UNC5D: variants seen among roughly 807,000 people sequenced by gnomAD.
UNC5D encodes unc-5 netrin receptor D.
A neutral mutation model predicts 105.4 loss-of-function variants in UNC5D; 39 were observed. That is an observed-to-expected ratio of 0.37 (90% CI 0.29 to 0.48). UNC5D has a LOEUF of 0.48. Among genes scored for constraint, UNC5D ranks in the 20% least tolerant of loss-of-function variants. The pLI is 0.98. For synonymous variants in UNC5D, 452 were observed against 450.4 expected, an observed-to-expected ratio of 1.00 and a Z score of -0.04; for missense variants, 991 against 1,202.4, an observed-to-expected ratio of 0.82 and a Z score of 2.60.
At chr8:35,631,408 A>G (rs1822036020) in intron 4 of UNC5D, among the ~76,000 whole-genome samples, 4 of 152,164 alleles carry the variant, frequency 2.6e-5, no homozygotes. Flanking sequence ...AGAGTCACAC[A>G]GCTTGACATA....
intron 4 of UNC5D, among the ~76,000 whole-genome samples, chr8:35,622,158 A>G (rs942568984): frequency 2.6e-5 from 4 of 152,168 alleles, no homozygotes; most frequent in African/African-American, 7.2e-5. Context: ...CCTGGCCAAC[A>G]TGGTGAAACC....
At chr8:35,750,879 A>G in intron 13 of UNC5D, 70 bp downstream of exon 13, 2 of 1,585,170 alleles carry the variant, frequency 1.3e-6, no homozygotes, top group East Asian at 2.2e-5. Flanking sequence ...ATCAGTATCA[A>G]TTGAAAATTT....
chr8:35,571,614 C>T (rs751126784), intron 3 of UNC5D, among the ~76,000 whole-genome samples: 20 of 152,122 alleles, frequency 1.3e-4, no homozygotes, highest in Non-Finnish European at 4.4e-5. Context: ...AAGAAAAAAT[C>T]CACTTTAGAG....
At chr8:35,361,171 A>G (rs1279373917) in intron 1 of UNC5D, among the ~76,000 whole-genome samples, 1 of 152,112 alleles carries the variant, frequency 6.6e-6, no homozygotes, top group African/African-American at 2.4e-5. Flanking sequence ...TGCTAATGAA[A>G]TGGGAAGAGC....
rs374310163 is a variant in UNC5D, at chr8:35,645,527, C to CTGTGTG, written c.571-37997_571-37992dup. ...TTTCTATCGTATATATGTGTGTGTG[C>CTGTGTG]TGTGTGTGTGTGTGTGTGTGTGTGT... On this transcript the variant is annotated intron_variant, in intron 4 of 16. Transcript: ENST00000404895. Among the ~76,000 whole-genome samples the CTGTGTG allele has an allele frequency of 6.7e-3, 971 of 145,476 alleles. 3 individuals carry two copies. Among genetic ancestry groups the CTGTGTG allele is most frequent in the African/African-American group, 0.021 (844 of 40,084 alleles).
chr8:35,327,841 G>A lies in UNC5D; in HGVS notation c.103+91954G>A, dbSNP rs533341579. On this transcript the variant is annotated intron_variant, in intron 1 of 16. Transcript: ENST00000404895. ...GTTGCAAGAGTCATTTATCAGAAGC[G>A]TGAACCCAGAGATTCGGATGTTTGA... 7.9e-5 allele frequency among the ~76,000 whole-genome samples: 12 copies of A among 152,272 alleles called. No individual in the cohort carries two copies. In the East Asian group the frequency reaches 1.2e-3, roughly 15 times the overall value.
At chr8:35,771,391 T>C (rs1304296067) in intron 15 of UNC5D, among the ~76,000 whole-genome samples, 3 of 152,184 alleles carry the variant, frequency 2.0e-5, no homozygotes, top group South Asian at 2.1e-4. Flanking sequence ...GCATTGACAA[T>C]GGCAGCTACC....
At chr8:35,626,093 A>G (rs1821684903) in intron 4 of UNC5D, among the ~76,000 whole-genome samples, 1 of 151,894 alleles carries the variant, frequency 6.6e-6, no homozygotes, top group Non-Finnish European at 1.5e-5. Flanking sequence ...CATTCTCATT[A>G]ATGCTAATGG....
chr8:35,435,644 A>C (rs1806957645), intron 1 of UNC5D, among the ~76,000 whole-genome samples: 2 of 152,142 alleles, frequency 1.3e-5, no homozygotes, highest in Admixed American at 1.3e-4. Context: ...AAAATAACTC[A>C]TAAGGGCCAA....
intron 1 of UNC5D, among the ~76,000 whole-genome samples, chr8:35,239,657 G>A (rs1290983074): frequency 6.6e-6 from 1 of 152,090 alleles, no homozygotes; most frequent in Non-Finnish European, 1.5e-5. Context: ...GAGCCCAGAT[G>A]TGCCCTCCTT....
chr8:35,314,415 G>A (rs368425726), intron 1 of UNC5D, among the ~76,000 whole-genome samples: 5 of 152,168 alleles, frequency 3.3e-5, no homozygotes, highest in East Asian at 1.9e-4. Flanking sequence ...TTTTTGTATC[G>A]TTGGTTTCTG....
At chr8:35,426,562 G>T (rs1466879534) in intron 1 of UNC5D, among the ~76,000 whole-genome samples, 3 of 152,144 alleles carry the variant, frequency 2.0e-5, no homozygotes, top group African/African-American at 7.2e-5. Flanking sequence ...GAGTTATTTT[G>T]AGGTTAACTT....
At chr8:35,237,374 A>C (rs1802542327) in intron 1 of UNC5D, among the ~76,000 whole-genome samples, 2 of 151,936 alleles carry the variant, frequency 1.3e-5, no homozygotes, top group Admixed American at 1.3e-4. Context: ...GTCAGCTCTC[A>C]GTTGTTTTTA....
At chr8:35,412,568 T>G (rs1050642386) in intron 1 of UNC5D, among the ~76,000 whole-genome samples, 4 of 151,956 alleles carry the variant, frequency 2.6e-5, no homozygotes, top group African/African-American at 9.7e-5. Context: ...AACCTCTCCC[T>G]CCCATGGTGT....
rs181655119 is a variant in UNC5D at position 35,506,789 on chromosome 8, A to G, written c.104-42503A>G. Among the ~76,000 whole-genome samples, 278 of 152,256 alleles carry G rather than the reference A, an allele frequency of 1.8e-3. 1 individual carries two copies. The highest frequency in any genetic ancestry group is 3.0e-3 in the Non-Finnish European group (203 of 68,014). ...CAGCTGTGTCCAGCATTCACCAGTG[A>G]TTGTGTAGGCATCTAAGGACTGCGT... On this transcript the variant is annotated intron_variant, in intron 1 of 16. Transcript: ENST00000404895.
chr8:35,456,440 G>A (rs763746414), intron 1 of UNC5D, among the ~76,000 whole-genome samples: 1 of 152,154 alleles, frequency 6.6e-6, no homozygotes, highest in Non-Finnish European at 1.5e-5. Context: ...GTCACAACAA[G>A]CCCCAATTAT....
chr8:35,504,519 A>C (rs1182196715), intron 1 of UNC5D, among the ~76,000 whole-genome samples: 1 of 152,160 alleles, frequency 6.6e-6, no homozygotes, highest in East Asian at 1.9e-4. Flanking sequence ...TGAGGAATGC[A>C]TTGTAAAAGA....
chr8:35,452,067 T>C (rs1268014778), intron 1 of UNC5D, among the ~76,000 whole-genome samples: 3 of 152,166 alleles, frequency 2.0e-5, no homozygotes, highest in East Asian at 3.9e-4. Flanking sequence ...AATAAGGCAG[T>C]ACCATACATA....
At chr8:35,776,507 A>G (rs1185407516) in intron 16 of UNC5D, among the ~76,000 whole-genome samples, 1 of 152,160 alleles carries the variant, frequency 6.6e-6, no homozygotes, top group Non-Finnish European at 1.5e-5. Context: ...GGGAGACTTA[A>G]GTTTAACAAC....
Sources: gnomAD v4.1 joint callset for allele counts (sites outside exome capture counted in the v4.1 genomes callset) on GRCh38, gnomAD v4.1.1 for gene constraint, MANE v1.5 for transcripts, NCBI Gene and HGNC (gene_info 2026-07-23, HGNC 2026-07-21) for gene names.